ANK2: variants seen among roughly 807,000 people sequenced by gnomAD.
The protein encoded by ANK2 is ankyrin 2.
Under a neutral mutation model 360.5 loss-of-function variants are expected in ANK2, and 83 were observed. The ratio of observed to expected loss-of-function variants is 0.23; its 90% CI spans 0.19 to 0.28. The LOEUF (loss-of-function observed/expected upper bound fraction) is 0.28, where lower values mean the gene tolerates loss of function less well. ANK2 is among the 10% of genes least tolerant of loss of function. The pLI is 1.00. For missense variants in ANK2, 4,201 were observed against 4,795.7 expected (o/e 0.88, Z 3.66); for synonymous variants, 1,740 against 1,759.5 (o/e 0.99, Z 0.28).
intron 1 of ANK2, among the ~76,000 whole-genome samples, chr4:113,065,452 A>G (rs1399309576): frequency 6.6e-6 from 1 of 152,222 alleles, no homozygotes; most frequent in East Asian, 1.9e-4. Flanking sequence ...ATAAACTTTT[A>G]GAGCTGAAAG....
chr4:113,118,719 C>T (rs558790795), intron 1 of ANK2, among the ~76,000 whole-genome samples: 1 of 152,250 alleles, frequency 6.6e-6, no homozygotes, highest in South Asian at 2.1e-4. Context: ...GTATTATTAG[C>T]CATTTTGTGG....
chr4:112,934,666 A>G (rs962097864), intron 2 of ANK2, among the ~76,000 whole-genome samples: 2 of 152,172 alleles, frequency 1.3e-5, no homozygotes, highest in Admixed American at 1.3e-4. Context: ...ACTATTGAGC[A>G]TTCTTTATGT....
At chr4:112,898,309 T>C (rs2082304787) in intron 1 of ANK2, among the ~76,000 whole-genome samples, 1 of 152,224 alleles carries the variant, frequency 6.6e-6, no homozygotes. Context: ...ACCAAATTTA[T>C]ATAGTCGTGT....
At chr4:113,146,126 C>G in intron 1 of ANK2, 1 of 1,067,182 alleles carries the variant, frequency 9.4e-7, no homozygotes, top group Admixed American at 3.0e-5. Context: ...CCAATGTGAT[C>G]AAACCACCTG....
rs60510554 is a variant in ANK2, at chr4:112,850,504, C to CTTTTTTTTTTTTTTTTTTTTTTTTTT, written c.-40+32245_-40+32270dup. On this transcript the variant is annotated intron_variant, in intron 1 of 30. Coordinates refer to the ANK2 transcript ENST00000503271. ...TTTTTTTAACATTTCCTGTGCTAGT[C>CTTTTTTTTTTTTTTTTTTTTTTTTTT]TTTTTTTTTTTTTTTTTTTTTTTTT... is the stretch of plus-strand genomic sequence containing the variant. Among the ~76,000 whole-genome samples the CTTTTTTTTTTTTTTTTTTTTTTTTTT allele has an allele frequency of 2.1e-3, 12 of 5,820 alleles. 4 individuals carry two copies. The highest frequency in any genetic ancestry group is 2.3e-3 in the Non-Finnish European group (8 of 3,408). The allele number at this position is 5,820 out of a possible 152,430, so 3.8% of individuals were successfully genotyped here. A position where few individuals can be genotyped will look rare whatever the true frequency, so the allele number is the denominator to read the frequency against.
intron 1 of ANK2, among the ~76,000 whole-genome samples, chr4:113,097,683 A>C (rs948161357): frequency 6.6e-6 from 1 of 151,976 alleles, no homozygotes; most frequent in Non-Finnish European, 1.5e-5. Flanking sequence ...ATCAAGAGAA[A>C]TTATAGGCCC....
chr4:113,351,310 A>T (rs2095401462), intron 37 of ANK2, among the ~76,000 whole-genome samples: 1 of 152,188 alleles, frequency 6.6e-6, no homozygotes, highest in Admixed American at 6.5e-5. Context: ...GCTTTTTTAA[A>T]GTCCTAGGAC....
rs185650988 is a variant in ANK2 at position 113,030,171 on chromosome 4, A to G, written c.21+125657A>G. Reference sequence around the variant, plus strand: ...GTTTCATCTGTAGAACTAACATAAAATCAGAAAAGAGTCAATTGTTTATAT... The same window carrying G: ...GTTTCATCTGTAGAACTAACATAAAGTCAGAAAAGAGTCAATTGTTTATAT... On this transcript the variant is annotated intron_variant, in intron 2 of 30. Coordinates refer to the ANK2 transcript ENST00000503271. Among the ~76,000 whole-genome samples the G allele has an allele frequency of 4.6e-5, 7 of 152,232 alleles. No homozygotes were observed. The East Asian group carries it at 1.4e-3, about 29-fold the overall frequency.
the ANK2 span, among the ~76,000 whole-genome samples, chr4:112,790,576 C>T: frequency 6.6e-6 from 1 of 151,202 alleles, no homozygotes; most frequent in Non-Finnish European, 1.5e-5. Flanking sequence ...CAACCTCTGC[C>T]TCCTGGGTTC....
chr4:113,333,296 A>G lies in ANK2; in HGVS notation c.3379+88A>G, dbSNP rs201971738. ...TTTCTTATGACCTAGGGGTGTGTGT[A>G]TATGTGTGTGTGTGTGTGTGTGTGT... On this transcript the variant is annotated intron_variant, in intron 29 of 45. Coordinates refer to ENST00000357077, the MANE Select transcript of ANK2 (RefSeq NM_001148.6). The G allele has an allele frequency of 1.1e-4, 154 of 1,387,264 alleles. 1 individual carries two copies. Among genetic ancestry groups the G allele is most frequent in the Middle Eastern group, 3.7e-4 (2 of 5,364 alleles). The allele number at this position is 1,387,264 out of a possible 1,614,324, so 85.9% of individuals were successfully genotyped here. A position where few individuals can be genotyped will look rare whatever the true frequency, so the allele number is the denominator to read the frequency against.
At chr4:113,087,349 A>C (rs1173382417) in intron 1 of ANK2, among the ~76,000 whole-genome samples, 2 of 152,172 alleles carry the variant, frequency 1.3e-5, no homozygotes, top group Non-Finnish European at 2.9e-5. Flanking sequence ...GTTATGGGAG[A>C]TGAGGGTGGA....
chr4:112,711,329 C>G, the ANK2 span, among the ~76,000 whole-genome samples: 99 of 152,200 alleles, frequency 6.5e-4, no homozygotes, highest in Non-Finnish European at 1.2e-3. Flanking sequence ...TTGCGACCAG[C>G]CTGGGCAACA....
At chr4:112,722,306 G>T in the ANK2 span, among the ~76,000 whole-genome samples, 6 of 152,098 alleles carry the variant, frequency 3.9e-5, no homozygotes, top group Non-Finnish European at 5.9e-5. Context: ...ATAAAGCTGT[G>T]CTCCAGAGTC....
At chr4:113,237,495 C>T in intron 6 of ANK2, 104 bp from the exon 7 acceptor site, 1 of 1,148,058 alleles carries the variant, frequency 8.7e-7, no homozygotes, top group Non-Finnish European at 1.3e-6. Context: ...ATGCATTTTG[C>T]CATGTTGGAA....
intron 1 of ANK2, among the ~76,000 whole-genome samples, chr4:112,892,369 T>C (rs980720241): frequency 2.0e-4 from 31 of 152,348 alleles, no homozygotes; most frequent in African/African-American, 7.2e-4. Context: ...AGCTATTTCA[T>C]TGGTAAATTA....
intron 2 of ANK2, among the ~76,000 whole-genome samples, chr4:113,192,912 G>T (rs571681764): frequency 7.1e-6 from 1 of 140,646 alleles, no homozygotes; most frequent in African/African-American, 2.6e-5. Flanking sequence ...ATATTTTAGG[G>T]ATTGCATTAT....
chr4:112,730,953 C>G, the ANK2 span, among the ~76,000 whole-genome samples: 3 of 151,700 alleles, frequency 2.0e-5, no homozygotes, highest in African/African-American at 7.3e-5. Flanking sequence ...TTCCGGCCAA[C>G]ATGGTGAAAC....
At position 113,356,524 on chromosome 4, in the gene ANK2, G is replaced by A. The variant is rs774315528; in HGVS notation, c.7906G>A (p.Glu2636Lys). The A allele has an allele frequency of 3.7e-6, 6 of 1,614,150 alleles. No individual in the cohort carries two copies. Among genetic ancestry groups the A allele is most frequent in the Middle Eastern group, 1.6e-4 (1 of 6,062 alleles). The stretch of plus-strand genomic sequence containing the variant: ...TGCTGACTGTTCAGTAGATGTGGAT[G>A]AACCAAAACATACAGGCAGTGGGGA... ...PDADCSVDVD[E>K]PKHTGSGEDE... is the part of the protein sequence containing the mutation. The change falls in exon 38 of 46, where the codon GAA becomes AAA. Residue 2636 changes from glutamate to lysine, a missense_variant. Glu to Lys is a moderately conservative substitution (Grantham distance 56). Coordinates refer to ENST00000357077, the MANE Select transcript of ANK2 (RefSeq NM_001148.6).
At chr4:112,905,859 A>G (rs535774575) in intron 2 of ANK2, among the ~76,000 whole-genome samples, 2 of 151,980 alleles carry the variant, frequency 1.3e-5, no homozygotes, top group African/African-American at 4.8e-5. Context: ...ATGGGTTCTG[A>G]CTATGTTGCC....
Sources: gnomAD v4.1 joint callset for allele counts (sites outside exome capture counted in the v4.1 genomes callset) on GRCh38, gnomAD v4.1.1 for gene constraint, MANE v1.5 for transcripts, NCBI Gene and HGNC (gene_info 2026-07-23, HGNC 2026-07-21) for gene names.